The following ATP13A3 variants were observed in gnomAD, a reference collection of about 807,000 sequenced individuals.
The protein encoded by ATP13A3 is ATPase 13A3.
ATP13A3 carries 59 observed loss-of-function variants against 158.1 expected under a neutral mutation model. That is an observed-to-expected ratio of 0.37 (90% CI 0.30 to 0.46). ATP13A3 has a LOEUF of 0.46. Among genes scored for constraint, ATP13A3 ranks in the 20% least tolerant of loss-of-function variants. The pLI is 1.00. For synonymous variants in ATP13A3, 491 were observed against 504.3 expected (o/e 0.97, Z 0.35); for missense variants, 1,166 against 1,525.2 (o/e 0.76, Z 3.92).
Position 194,404,269 on chromosome 3 carries a change from G to C in ATP13A3, c.*1650C>G, listed in dbSNP as rs553904248. ...TATTATACATTTGATGGAAAACTTC[G>C]ATTATATTTTTGCAGGAATCATCAG... On this transcript the variant is annotated 3_prime_UTR_variant, in exon 34 of 34. Transcript: ENST00000645319. The C allele has an allele frequency of 5.9e-6, 2 of 341,542 alleles. No homozygotes were observed. Among genetic ancestry groups the C allele is most frequent in the Admixed American group, 4.7e-5 (1 of 21,236 alleles). 21.2% of individuals were successfully genotyped at this position (341,542 alleles called of 1,614,324 possible).
Position 194,413,773 on chromosome 3 carries a change from A to G in ATP13A3, c.3469T>C (p.Ser1157Pro). Residue 1157 changes from serine (S) to proline (P), a missense_variant, in exon 32 of 34, where the codon TCT (serine) becomes CCT (proline). Physicochemically the swap from Ser to Pro is moderately conservative, Grantham distance 74. This residue lies in a region of ATP13A3 where 997 missense variants were observed against 1,341.2 expected (regional missense o/e 0.74). Transcript: ENST00000645319. Reference protein sequence around the residue: ...LIIVLVNAFVSITVENFFLDM... With the variant: ...LIIVLVNAFVPITVENFFLDM... ...GAAGTGCTTACCTCCACTGTGATAG[A>G]CACAAAGGCATTGACAAGAACAATG... The G allele has an allele frequency of 3.7e-6, 6 of 1,613,530 alleles. No homozygotes were observed. The highest frequency in any genetic ancestry group is 5.1e-6 in the Non-Finnish European group (6 of 1,179,442).
chr3:194,427,002 T>C (rs1266937416), intron 29 of ATP13A3, 73 bp downstream of exon 29: 1 of 1,509,334 alleles, frequency 6.6e-7, no homozygotes, highest in Non-Finnish European at 9.0e-7. Context: ...TTATATTAAC[T>C]TCTAAACTCA....
chr3:194,419,778 TAA>T (rs1716156649), intron 31 of ATP13A3, 99 bp downstream of exon 31: 1 of 1,485,076 alleles, frequency 6.7e-7, no homozygotes, highest in Non-Finnish European at 8.9e-7. Context: ...TGGGTTAATA[TAA>T]CAGCATCTTA....
chr3:194,408,818 C>A (rs13097115), intron 33 of ATP13A3, among the ~76,000 whole-genome samples: 1 of 152,178 alleles, frequency 6.6e-6, no homozygotes, highest in Non-Finnish European at 1.5e-5. Flanking sequence ...CACACATTCT[C>A]AAACACAATA....
chr3:194,412,384 A>T, intron 32 of ATP13A3, 96 bp from the exon 33 acceptor site: 1 of 906,706 alleles, frequency 1.1e-6, no homozygotes, highest in Non-Finnish European at 1.7e-6. Flanking sequence ...TGCATAATTG[A>T]TGAAAAGGAT....
upstream of ATP13A3, chr3:194,488,703 A>G (rs1721100308): frequency 6.6e-6 from 1 of 152,238 alleles, no homozygotes; most frequent in Non-Finnish European, 1.5e-5. This position sits in a 1 kb window ranked among gnomAD's most constrained non-coding sequence, Gnocchi z 4.1. Flanking sequence ...CAGAAGAGTG[A>G]ACCCTCTGGA....
At chr3:194,474,667 A>T (rs963724768) in intron 2 of ATP13A3, among the ~76,000 whole-genome samples, 2 of 152,226 alleles carry the variant, frequency 1.3e-5, no homozygotes, top group African/African-American at 4.8e-5. Context: ...TTCATTTGAA[A>T]CTGTAATGCT....
chr3:194,404,019 C>A lies in ATP13A3; in HGVS notation c.*1900G>T. ...TAAGCTGCTACTTAGCAATTACTTT[C>A]ATTATATGCTTCAGTACTTAAACCA... On this transcript the variant is annotated 3_prime_UTR_variant, in exon 34 of 34. Coordinates refer to ENST00000645319, the MANE Select transcript of ATP13A3 (RefSeq NM_001367549.1). 1 of 402,256 alleles carries A rather than the reference C, an allele frequency of 2.5e-6. No homozygotes were observed. The highest frequency in any genetic ancestry group is 7.8e-5 in the East Asian group (1 of 12,792). The allele number at this position is 402,256 out of a possible 1,614,324, so 24.9% of individuals were successfully genotyped here. A position where few individuals can be genotyped will look rare whatever the true frequency, so the allele number is the denominator to read the frequency against.
At chr3:194,490,030 G>T (rs944947753), upstream of ATP13A3, among the ~76,000 whole-genome samples, 1 of 152,150 alleles carries the variant, frequency 6.6e-6, no homozygotes, top group African/African-American at 2.4e-5. This position sits in a 1 kb window ranked among gnomAD's most constrained non-coding sequence, Gnocchi z 4.4. Context: ...GATTGCAGCT[G>T]CATGGAGGTA....
intron 2 of ATP13A3, among the ~76,000 whole-genome samples, chr3:194,476,208 T>C (rs1720515936): frequency 6.6e-6 from 1 of 152,168 alleles, no homozygotes; most frequent in South Asian, 2.1e-4. Flanking sequence ...CTCCATTTCC[T>C]CTGCCCGCTT....
intron 30 of ATP13A3, among the ~76,000 whole-genome samples, chr3:194,421,012 T>C (rs1165472167): frequency 6.9e-6 from 1 of 145,552 alleles, no homozygotes; most frequent in Non-Finnish European, 1.5e-5. Flanking sequence ...TTTGTAAATA[T>C]AAACTTTGTT....
chr3:194,427,674 TAAA>T (rs1716895074), intron 28 of ATP13A3, among the ~76,000 whole-genome samples: 3 of 143,870 alleles, frequency 2.1e-5, no homozygotes, highest in African/African-American at 8.2e-5. Flanking sequence ...AATAAATAAA[TAAA>T]TAAATAATTT....
upstream of ATP13A3, among the ~76,000 whole-genome samples, chr3:194,489,570 T>A (rs1721121735): frequency 6.6e-6 from 1 of 152,216 alleles, no homozygotes; most frequent in South Asian, 2.1e-4. The surrounding 1 kb of genome is among the most constrained non-coding windows in gnomAD (Gnocchi z 4.1). Flanking sequence ...TTCCCTAGGC[T>A]TCTGGCTGCA....
At chr3:194,430,797 T>TA (rs1028855317) in intron 24 of ATP13A3, 146 bp downstream of exon 24, 3 of 570,156 alleles carry the variant, frequency 5.3e-6, no homozygotes, top group Non-Finnish European at 8.2e-6. Flanking sequence ...AAGCGGCACT[T>TA]AAAGTTCTGA....
intron 1 of ATP13A3, among the ~76,000 whole-genome samples, 178 bp downstream of exon 1, chr3:194,486,388 A>C (rs898093883): frequency 7.4e-6 from 1 of 135,718 alleles, no homozygotes. Context: ...CTTCGCACCC[A>C]CCGCGTGGGC....
chr3:194,471,324 TAAAAAAAAAAAAAAAAA>T, intron 2 of ATP13A3, among the ~76,000 whole-genome samples: 1 of 88,106 alleles, frequency 1.1e-5, no homozygotes, highest in East Asian at 2.7e-4. Flanking sequence ...CAGCAAATTC[TAAAAAAAAAAAAAAAAA>T]AAAAAAGAAA....
chr3:194,438,384 T>C (rs1218588343), intron 17 of ATP13A3, among the ~76,000 whole-genome samples: 2 of 152,162 alleles, frequency 1.3e-5, no homozygotes, highest in Admixed American at 6.5e-5. Context: ...CACCTAAAAG[T>C]AAAGCCTTTC....
chr3:194,455,044 T>C (rs940761145), intron 8 of ATP13A3, among the ~76,000 whole-genome samples: 3 of 152,242 alleles, frequency 2.0e-5, no homozygotes, highest in Non-Finnish European at 2.9e-5. Context: ...TACTGTGCTC[T>C]GGGCTAATAG....
chr3:194,415,087 G>A (rs192335253), intron 31 of ATP13A3, among the ~76,000 whole-genome samples: 199 of 152,330 alleles, frequency 1.3e-3, no homozygotes, highest in Admixed American at 2.2e-3. Context: ...TGGAAAATGA[G>A]ACTGGAGAGT....
Sources: gnomAD v4.1 joint callset for allele counts (sites outside exome capture counted in the v4.1 genomes callset) on GRCh38, gnomAD v4.1.1 for gene constraint, gnomAD v4.1.1 regional missense constraint, Gnocchi (gnomAD v3.1) non-coding constraint, MANE v1.5 for transcripts, NCBI Gene and HGNC (gene_info 2026-07-23, HGNC 2026-07-21) for gene names.